Variants in MYOZ2 observed in about 807,000 individuals in gnomAD.
MYOZ2 encodes myozenin 2.
Under a neutral mutation model 25.4 loss-of-function variants are expected in MYOZ2, and 19 were observed. The ratio of observed to expected loss-of-function variants is 0.75; its 90% CI spans 0.52 to 1.10. The LOEUF is 1.10. MYOZ2 is among the 50% of genes least tolerant of loss of function. The pLI is 0.00. For synonymous variants in MYOZ2, 92 were observed against 106.9 expected (o/e 0.86, Z 0.86); for missense variants, 270 against 317.9 (o/e 0.85, Z 1.15).
chr4:119,180,109 T>C (rs1742157539), intron 5 of MYOZ2, among the ~76,000 whole-genome samples: 1 of 152,224 alleles, frequency 6.6e-6, no homozygotes, highest in Admixed American at 6.5e-5. Context: ...GTGCTGTGTA[T>C]GTCAAGTAAT....
At chr4:119,180,910 T>C (rs1742175219) in intron 5 of MYOZ2, among the ~76,000 whole-genome samples, 1 of 152,222 alleles carries the variant, frequency 6.6e-6, no homozygotes, top group African/African-American at 2.4e-5. Context: ...TTTTATATTA[T>C]GCTACTTGAG....
chr4:119,135,999 C>A lies in MYOZ2; in HGVS notation c.-15+17C>A. The A allele has an allele frequency of 1.2e-5, 2 of 163,196 alleles. No homozygotes were observed. The highest frequency in any genetic ancestry group is 1.2e-4 in the Admixed American group (2 of 16,986). 10.1% of individuals were successfully genotyped at this position (163,196 alleles called of 1,614,324 possible). On this transcript the variant is annotated intron_variant, in intron 1 of 5. Coordinates refer to ENST00000307128, the MANE Select transcript of MYOZ2 (RefSeq NM_016599.5). ...AACAGCAAGGTGAGTATGTTGTTTC[C>A]TAAAATGTTTCATTAGTCAGTTGTC...
At chr4:119,169,280 A>C (rs933642534) in intron 5 of MYOZ2, among the ~76,000 whole-genome samples, 1 of 152,240 alleles carries the variant, frequency 6.6e-6, no homozygotes, top group Non-Finnish European at 1.5e-5. Flanking sequence ...GGGAAATAAA[A>C]AATTTCATGC....
At chr4:119,144,059 T>G (rs1330163556) in intron 2 of MYOZ2, among the ~76,000 whole-genome samples, 1 of 152,152 alleles carries the variant, frequency 6.6e-6, no homozygotes, top group Non-Finnish European at 1.5e-5. Context: ...AGACATAATA[T>G]TTCCATTCCC....
At chr4:119,138,131 A>T (rs1741074431) in intron 2 of MYOZ2, among the ~76,000 whole-genome samples, 1 of 152,142 alleles carries the variant, frequency 6.6e-6, no homozygotes, top group South Asian at 2.1e-4. Context: ...AAAACACACA[A>T]TTATATATCA....
intron 2 of MYOZ2, among the ~76,000 whole-genome samples, chr4:119,144,657 A>T (rs920486624): frequency 1.3e-5 from 2 of 152,166 alleles, no homozygotes; most frequent in African/African-American, 4.8e-5. Context: ...GTGTATAGTG[A>T]TATATCATTG....
At chr4:119,171,874 GAGAA>G (rs1741956272) in intron 5 of MYOZ2, among the ~76,000 whole-genome samples, 1 of 151,518 alleles carries the variant, frequency 6.6e-6, no homozygotes, top group African/African-American at 2.4e-5. Flanking sequence ...AAGAGACAAA[GAGAA>G]AGAAGCAAGC....
chr4:119,158,711 T>C (rs1741641101), intron 4 of MYOZ2, among the ~76,000 whole-genome samples: 1 of 152,240 alleles, frequency 6.6e-6, no homozygotes, highest in Non-Finnish European at 1.5e-5. Flanking sequence ...AATTTGTAAT[T>C]ATATTGAAAT....
In MYOZ2 at chr4:119,146,140, G is replaced by T. The variant is rs1465620135; in HGVS notation, c.77-4732G>T. Among the ~76,000 whole-genome samples, 4 of 152,006 alleles carry T rather than the reference G, an allele frequency of 2.6e-5. No homozygotes were observed. The East Asian group carries it at 5.8e-4, about 22-fold the overall frequency. ...TATTTTCCATGTTAATCTTACTAGA[G>T]ATTTATCAATTTTACTGATCTTTTA... is the stretch of plus-strand genomic sequence containing the variant. On this transcript the variant is annotated intron_variant, in intron 2 of 5. Transcript: ENST00000307128.
At chr4:119,181,851 A>G (rs1238704298) in intron 5 of MYOZ2, among the ~76,000 whole-genome samples, 1 of 152,260 alleles carries the variant, frequency 6.6e-6, no homozygotes, top group Non-Finnish European at 1.5e-5. Flanking sequence ...TTTAATTTAT[A>G]TAAACTGAAT....
chr4:119,152,534 C>A (rs888834047), intron 3 of MYOZ2, among the ~76,000 whole-genome samples: 3 of 152,004 alleles, frequency 2.0e-5, no homozygotes, highest in Non-Finnish European at 4.4e-5. Context: ...TTTAAAATGT[C>A]CCTATGAACA....
Position 119,151,037 on chromosome 4 carries a change from T to A in MYOZ2, c.242T>A (p.Ile81Lys). The change falls in exon 3 of 6, where the codon ATA (isoleucine) becomes AAA (lysine). Residue 81 changes from isoleucine to lysine, a missense_variant. Physicochemically the swap from Ile to Lys is moderately radical, Grantham distance 102 (BLOSUM62 -3). Coordinates refer to ENST00000307128, the MANE Select transcript of MYOZ2 (RefSeq NM_016599.5). ...TTCCAGTATCAATCTAGAGCACAAA[T>A]AAATGTAGGTATAACTTGAACAGGT... ...ENFQYQSRAQ[I>K]NHSIAMQNGK... 6.2e-7 allele frequency: 1 copy of A among 1,608,084 alleles called. No homozygotes were observed. The highest frequency in any genetic ancestry group is 8.5e-7 in the Non-Finnish European group (1 of 1,174,704).
intron 5 of MYOZ2, among the ~76,000 whole-genome samples, chr4:119,179,995 T>A (rs780587381): frequency 2.4e-4 from 37 of 152,216 alleles, no homozygotes; most frequent in Non-Finnish European, 4.0e-4. Context: ...TGGAAGACAT[T>A]CAGATCATAG....
At chr4:119,152,995 G>A (rs1404981072) in intron 3 of MYOZ2, among the ~76,000 whole-genome samples, 4 of 151,488 alleles carry the variant, frequency 2.6e-5, no homozygotes, top group Non-Finnish European at 4.4e-5. Context: ...TGGGAATCAG[G>A]AGACCAAGGT....
Position 119,186,409 on chromosome 4 carries a change from T to G in MYOZ2, c.*209T>G. 1 of 544,498 alleles carries G rather than the reference T, an allele frequency of 1.8e-6. No individual in the cohort carries two copies. The highest frequency in any genetic ancestry group is 3.1e-5 in the East Asian group (1 of 31,884). The allele number at this position is 544,498 out of a possible 1,614,324, so 33.7% of individuals were successfully genotyped here. A position where few individuals can be genotyped will look rare whatever the true frequency, so the allele number is the denominator to read the frequency against. ...TTAAAAAACTTATAACTCACTTGTC[T>G]TCATTCATAATTTTGTTTTCACCTG... On this transcript the variant is annotated 3_prime_UTR_variant, in exon 6 of 6. Coordinates refer to ENST00000307128, the MANE Select transcript of MYOZ2 (RefSeq NM_016599.5).
chr4:119,179,229 C>T (rs1424917010), intron 5 of MYOZ2, among the ~76,000 whole-genome samples: 1 of 152,206 alleles, frequency 6.6e-6, no homozygotes, highest in African/African-American at 2.4e-5. Context: ...GCTGTATCCA[C>T]ACTGGGCTTC....
Position 119,187,361 on chromosome 4 carries a change from C to T in MYOZ2, c.*1161C>T, listed in dbSNP as rs1226356198. The T allele has an allele frequency of 6.6e-6, 1 of 152,000 alleles. No individual in the cohort carries two copies. The highest frequency in any genetic ancestry group is 1.5e-5 in the Non-Finnish European group (1 of 67,986). The allele number at this position is 152,000 out of a possible 1,614,324, so 9.4% of individuals were successfully genotyped here. A position where few individuals can be genotyped will look rare whatever the true frequency, so the allele number is the denominator to read the frequency against. ...TGTTTATAGCAGAGAAGAAATGTCT[C>T]ATCAATAGAAAACTATCAGATAAAG... is the stretch of plus-strand genomic sequence containing the variant. On this transcript the variant is annotated 3_prime_UTR_variant, in exon 6 of 6. Coordinates refer to ENST00000307128, the MANE Select transcript of MYOZ2 (RefSeq NM_016599.5).
chr4:119,164,783 T>TC (rs1741785047), intron 5 of MYOZ2, among the ~76,000 whole-genome samples: 2 of 152,136 alleles, frequency 1.3e-5, no homozygotes, highest in Non-Finnish European at 2.9e-5. Flanking sequence ...GCTATGAGAA[T>TC]TACTGTGTAA....
intron 5 of MYOZ2, among the ~76,000 whole-genome samples, chr4:119,165,192 C>T (rs1386109747): frequency 1.3e-5 from 2 of 150,504 alleles, no homozygotes; most frequent in Non-Finnish European, 3.0e-5. Context: ...AAAAGAATGC[C>T]AAATAGACTG....
Sources: gnomAD v4.1 joint callset for allele counts (sites outside exome capture counted in the v4.1 genomes callset) on GRCh38, gnomAD v4.1.1 for gene constraint, MANE v1.5 for transcripts, NCBI Gene and HGNC (gene_info 2026-07-23, HGNC 2026-07-21) for gene names.